Variants in ACYP1 observed in about 807,000 individuals in gnomAD.
The protein encoded by ACYP1 is acylphosphatase-1.
ACYP1 carries 8 observed loss-of-function variants against 10.4 expected under a neutral mutation model. The observed-to-expected ratio is 0.77, with a 90% confidence interval of 0.45 to 1.38. The LOEUF (loss-of-function observed/expected upper bound fraction) is 1.38, where lower values mean the gene tolerates loss of function less well. Ranked by LOEUF, ACYP1 falls within the 40% of genes most tolerant of loss-of-function variation. The pLI, the probability that ACYP1 is intolerant of heterozygous loss-of-function variation, is 0.00. For synonymous variants in ACYP1, 38 were observed against 40.8 expected, an observed-to-expected ratio of 0.93 and a Z score of 0.26; for missense variants, 93 against 117.3, an observed-to-expected ratio of 0.79 and a Z score of 0.96.
Position 75,063,974 on chromosome 14 carries a change from G to A in ACYP1, c.-29C>T. ...CTCACCCTCCTTGTCTTCCCCACCGGCTGCCAGGATCACTCCGGGACCACC... is the reference window on the plus strand; with the variant it reads ...CTCACCCTCCTTGTCTTCCCCACCGACTGCCAGGATCACTCCGGGACCACC... On this transcript the variant is annotated 5_prime_UTR_variant, in exon 1 of 3. Transcript: ENST00000238618. 1.0e-6 allele frequency: 1 copy of A among 996,688 alleles called. No homozygotes were observed. The highest frequency in any genetic ancestry group is 1.2e-6 in the Non-Finnish European group (1 of 836,172). 61.7% of individuals were successfully genotyped at this position (996,688 alleles called of 1,614,324 possible). A position where few individuals can be genotyped will look rare whatever the true frequency, so the allele number is the denominator to read the frequency against.
chr14:75,068,650 A>G (rs1893208693), upstream of ACYP1, among the ~76,000 whole-genome samples: 1 of 152,022 alleles, frequency 6.6e-6, no homozygotes, highest in South Asian at 2.1e-4. Flanking sequence ...GTGGAGTGGG[A>G]AACGTCTGGA....
intron 2 of ACYP1, among the ~76,000 whole-genome samples, chr14:75,062,129 A>C (rs1209045798): frequency 6.7e-6 from 1 of 149,272 alleles, no homozygotes; most frequent in Non-Finnish European, 1.5e-5. Flanking sequence ...AAAAAAGAAA[A>C]GAAAAGAAAA....
upstream of ACYP1, among the ~76,000 whole-genome samples, chr14:75,067,915 C>T (rs902230383): frequency 3.3e-5 from 5 of 151,996 alleles, no homozygotes; most frequent in African/African-American, 1.2e-4. Context: ...GGGAGGATCA[C>T]TTGAGCTGTG....
chr14:75,061,799 A>C, intron 2 of ACYP1: 1 of 1,494,646 alleles, frequency 6.7e-7, no homozygotes, highest in Non-Finnish European at 9.1e-7. Flanking sequence ...TGATTTTTGA[A>C]TAATTAGAAA....
intron 2 of ACYP1, among the ~76,000 whole-genome samples, chr14:75,062,857 C>T (rs777862768): frequency 6.6e-6 from 1 of 152,106 alleles, no homozygotes; most frequent in Non-Finnish European, 1.5e-5. Flanking sequence ...TCCATCCCCT[C>T]AAATAATCCT....
upstream of ACYP1, among the ~76,000 whole-genome samples, chr14:75,065,330 G>A (rs1310462462): frequency 3.3e-5 from 5 of 152,210 alleles, no homozygotes; most frequent in South Asian, 4.1e-4. Flanking sequence ...CAGTAGGCAC[G>A]GAAATTCATC....
intron 2 of ACYP1, chr14:75,063,268 A>G (rs1167557912): frequency 5.3e-6 from 3 of 565,380 alleles, no homozygotes; most frequent in Non-Finnish European, 9.6e-6. Context: ...CCACTGACTA[A>G]TAATAACAGC....
intron 2 of ACYP1, among the ~76,000 whole-genome samples, chr14:75,056,170 G>A (rs1474424088): frequency 6.6e-6 from 1 of 150,946 alleles, no homozygotes; most frequent in Non-Finnish European, 1.5e-5. Context: ...GGCTTCATGG[G>A]TAAATTCTAC....
intron 2 of ACYP1, chr14:75,060,356 G>T: frequency 1.7e-6 from 1 of 572,860 alleles, no homozygotes; most frequent in South Asian, 2.2e-5. Context: ...CAAGGATGTG[G>T]ACAAACTGGA....
chr14:75,059,951 G>T, intron 2 of ACYP1: 1 of 261,348 alleles, frequency 3.8e-6, no homozygotes, highest in Non-Finnish European at 7.2e-6. Flanking sequence ...TCAGGGGCAT[G>T]GGGGAAGGAG....
At position 75,053,418 on chromosome 14, in the gene ACYP1, A is replaced by T. The variant is rs1248806553; in HGVS notation, c.*26T>A. 2 of 1,596,858 alleles carry T rather than the reference A, an allele frequency of 1.3e-6. No individual in the cohort carries two copies. Among genetic ancestry groups the T allele is most frequent in the Admixed American group, 3.3e-5 (2 of 59,962 alleles). The stretch of plus-strand genomic sequence containing the variant: ...TAATAAAAACCAAACCACTGAGTTT[A>T]TCTTAGAAAACTTAAATTCAGGCCA... On this transcript the variant is annotated 3_prime_UTR_variant, in exon 3 of 3. Coordinates refer to ENST00000238618, the MANE Select transcript of ACYP1 (RefSeq NM_001107.5).
upstream of ACYP1, among the ~76,000 whole-genome samples, chr14:75,067,647 T>C (rs116812405): frequency 0.01 from 1,521 of 151,924 alleles, 20 homozygotes; most frequent in African/African-American, 0.032. Context: ...GAAAGTTGAG[T>C]ATATGTTAAA....
intron 2 of ACYP1, among the ~76,000 whole-genome samples, chr14:75,056,796 G>A (rs1266922970): frequency 2.0e-5 from 3 of 151,386 alleles, no homozygotes; most frequent in Non-Finnish European, 4.4e-5. Flanking sequence ...TGGCAAAAAA[G>A]CATTTGACAA....
chr14:75,057,981 A>AAAAAAAAAAAAAAAAAC, intron 2 of ACYP1, among the ~76,000 whole-genome samples: 1 of 147,444 alleles, frequency 6.8e-6, no homozygotes, highest in African/African-American at 2.5e-5. Flanking sequence ...AAAAAAAAAA[A>AAAAAAAAAAAAAAAAAC]AAAAAAAGAA....
chr14:75,055,675 A>G (rs1348361955), intron 2 of ACYP1, among the ~76,000 whole-genome samples: 1 of 151,600 alleles, frequency 6.6e-6, no homozygotes, highest in Non-Finnish European at 1.5e-5. Flanking sequence ...TGCAATCTAA[A>G]AAGAAACTCT....
chr14:75,062,866 C>A (rs1193601768), intron 2 of ACYP1, among the ~76,000 whole-genome samples: 18 of 152,112 alleles, frequency 1.2e-4, no homozygotes, highest in Admixed American at 1.1e-3. Flanking sequence ...TCAAATAATC[C>A]TTTATTGCTC....
Position 75,059,224 on chromosome 14 carries a change from C to G in ACYP1, c.84+4246G>C, listed in dbSNP as rs933924126. Among the ~76,000 whole-genome samples the G allele has an allele frequency of 1.9e-4, 28 of 145,908 alleles. 1 individual carries two copies. Among genetic ancestry groups the G allele is most frequent in the Admixed American group, 1.4e-4 (2 of 14,574 alleles). On this transcript the variant is annotated intron_variant, in intron 2 of 2. Transcript: ENST00000238618. ...GGAAAAGAAAACATAGGCATGACAG[C>G]AGCTGGGTGTGGTGGCTCACACCTG...
intron 2 of ACYP1, among the ~76,000 whole-genome samples, chr14:75,056,258 T>A (rs2139647172): frequency 6.6e-6 from 1 of 150,892 alleles, no homozygotes; most frequent in Non-Finnish European, 1.5e-5. Context: ...AACCAAGAAT[T>A]AAGGGTTAAA....
chr14:75,069,477 G>T (rs915511489), exon 1 of ACYP1: 4 of 501,022 alleles, frequency 8.0e-6, no homozygotes, highest in African/African-American at 6.1e-5. Context: ...TGCAGAGTTG[G>T]CCGGACACTG....
Sources: allele counts gnomAD v4.1 joint callset (sites outside exome capture counted in the v4.1 genomes callset), GRCh38; gene constraint gnomAD v4.1.1; transcripts MANE v1.5; gene names NCBI Gene and HGNC (gene_info 2026-07-23, HGNC 2026-07-21).